SHISA6: variants seen among roughly 807,000 people sequenced by gnomAD.
SHISA6 encodes shisa family member 6, also known as protein shisa-6.
Under a neutral mutation model 47.9 loss-of-function variants are expected in SHISA6, and 22 were observed. That is an observed-to-expected ratio of 0.46 (90% CI 0.33 to 0.66). The LOEUF is 0.66. Ranked by LOEUF, SHISA6 falls within the 30% of genes least tolerant of loss-of-function variation. The pLI is 0.02. For synonymous variants in SHISA6, 388 were observed against 337.8 expected, an observed-to-expected ratio of 1.15 and a Z score of -1.63; for missense variants, 680 against 764.6, an observed-to-expected ratio of 0.89 and a Z score of 1.30.
rs564995001 is a variant in SHISA6, at chr17:11,304,708, A to G, written c.799+41182A>G. ...CAGTGAGGTGTGGAGGAGAAGAGAG[A>G]AGATCCCAAAATAACTCTGGGAACT... On this transcript the variant is annotated intron_variant, in intron 2 of 5. Transcript: ENST00000441885. 2.6e-5 allele frequency among the ~76,000 whole-genome samples: 4 copies of G among 152,186 alleles called. No individual in the cohort carries two copies. The South Asian group carries it at 6.2e-4, about 24-fold the overall frequency.
rs182895411 is a variant in SHISA6, at chr17:11,392,069, G to T, written c.895+12560G>T. Among the ~76,000 whole-genome samples the T allele has an allele frequency of 9.2e-5, 14 of 152,278 alleles. No homozygotes were observed. In the East Asian group the frequency reaches 2.5e-3, roughly 27 times the overall value. On this transcript the variant is annotated intron_variant, in intron 3 of 5. Coordinates refer to ENST00000441885, the MANE Select transcript of SHISA6 (RefSeq NM_207386.4). ...CCTTCCACAAGGAATTCAAAAATGT[G>T]CAGTTTGGGTTCAGAGGGGCCAGAG...
At chr17:11,507,050 A>G (rs947544689) in intron 3 of SHISA6, among the ~76,000 whole-genome samples, 1 of 152,142 alleles carries the variant, frequency 6.6e-6, no homozygotes, top group Admixed American at 6.5e-5. Flanking sequence ...CCTGCCACCC[A>G]CTAACTGCAT....
intron 2 of SHISA6, among the ~76,000 whole-genome samples, chr17:11,303,420 CAT>C (rs1465470569): frequency 1.3e-5 from 2 of 150,940 alleles, no homozygotes; most frequent in Admixed American, 6.6e-5. Flanking sequence ...TGGTTGTGAG[CAT>C]GTGTGTGTGG....
At chr17:11,270,482 G>A (rs1233960415) in intron 2 of SHISA6, among the ~76,000 whole-genome samples, 4 of 152,140 alleles carry the variant, frequency 2.6e-5, no homozygotes, top group African/African-American at 4.8e-5. Context: ...CCTTGGTTTG[G>A]ACAGCCTGGA....
chr17:11,517,745 C>T (rs539250168), intron 3 of SHISA6, among the ~76,000 whole-genome samples: 2 of 152,124 alleles, frequency 1.3e-5, no homozygotes, highest in South Asian at 4.1e-4. Context: ...CTCAAGCAGT[C>T]CTCCCACCTC....
At chr17:11,306,020 C>T (rs1462540676) in intron 2 of SHISA6, among the ~76,000 whole-genome samples, 3 of 152,146 alleles carry the variant, frequency 2.0e-5, no homozygotes, top group South Asian at 4.2e-4. Flanking sequence ...CCACCGTGCC[C>T]CAAAGCAAAC....
At chr17:11,308,036 G>A (rs112015311) in intron 2 of SHISA6, among the ~76,000 whole-genome samples, 24 of 152,284 alleles carry the variant, frequency 1.6e-4, no homozygotes, top group African/African-American at 5.5e-4. Flanking sequence ...TGTCCTGATG[G>A]TCTGACTTTG....
chr17:11,554,650 C>CCTTCCAACTGTTG (rs2071959641), intron 4 of SHISA6, among the ~76,000 whole-genome samples: 1 of 152,132 alleles, frequency 6.6e-6, no homozygotes, highest in Admixed American at 6.5e-5. Context: ...AATGACACAG[C>CCTTCCAACTGTTG]GAGACTATAG....
chr17:11,375,193 G>C lies in SHISA6; in HGVS notation c.800-4221G>C, dbSNP rs191133042. 5.3e-5 allele frequency among the ~76,000 whole-genome samples: 8 copies of C among 152,118 alleles called. No individual in the cohort carries two copies. The East Asian group carries it at 5.8e-4, about 11-fold the overall frequency. The stretch of plus-strand genomic sequence containing the variant: ...TCGAAAGACTAAAGTCTTCCAATCT[G>C]TTCAGAAAAAAAGAAAAACTATTAA... On this transcript the variant is annotated intron_variant, in intron 2 of 5. Coordinates refer to ENST00000441885, the MANE Select transcript of SHISA6 (RefSeq NM_207386.4).
At chr17:11,330,471 T>A (rs967117405) in intron 2 of SHISA6, among the ~76,000 whole-genome samples, 1 of 136,350 alleles carries the variant, frequency 7.3e-6, no homozygotes, top group African/African-American at 2.7e-5. Flanking sequence ...TTTTCTAAAA[T>A]TCTGAGAGTA....
intron 3 of SHISA6, among the ~76,000 whole-genome samples, chr17:11,513,189 CATATATATGTGTGT>C (rs2071555591): frequency 1.8e-5 from 2 of 112,184 alleles, no homozygotes. Flanking sequence ...TTATTACACA[CATATATATGTGTGT>C]ATATATGTAT....
chr17:11,421,391 A>T (rs1258626304), intron 3 of SHISA6, among the ~76,000 whole-genome samples: 1 of 152,236 alleles, frequency 6.6e-6, no homozygotes, highest in East Asian at 1.9e-4. Context: ...CTTGGGCCCC[A>T]TCAATGTCTA....
At chr17:11,498,585 A>G (rs2071426472) in intron 3 of SHISA6, among the ~76,000 whole-genome samples, 1 of 152,244 alleles carries the variant, frequency 6.6e-6, no homozygotes, top group African/African-American at 2.4e-5. Context: ...CCCTGGTTTG[A>G]TCATTACACA....
intron 3 of SHISA6, among the ~76,000 whole-genome samples, chr17:11,500,336 G>A (rs1428711648): frequency 1.3e-5 from 2 of 152,150 alleles, no homozygotes; most frequent in African/African-American, 2.4e-5. Context: ...TTATGAGGTT[G>A]CACAACTCCA....
chr17:11,269,498 G>C (rs1204088801), intron 2 of SHISA6, among the ~76,000 whole-genome samples: 1 of 152,148 alleles, frequency 6.6e-6, no homozygotes, highest in African/African-American at 2.4e-5. Flanking sequence ...TTTCCACCCT[G>C]CTAAGAAAGC....
chr17:11,295,621 C>G (rs868639213), intron 2 of SHISA6, among the ~76,000 whole-genome samples: 83 of 152,202 alleles, frequency 5.5e-4, no homozygotes, highest in African/African-American at 1.8e-3. Context: ...ACAGTCCTAG[C>G]AAGCCATTTT....
chr17:11,489,955 A>G (rs1447020924), intron 3 of SHISA6, among the ~76,000 whole-genome samples: 1 of 152,184 alleles, frequency 6.6e-6, no homozygotes, highest in Admixed American at 6.5e-5. Context: ...CTGGCTTAGG[A>G]GCATTCAAAG....
intron 5 of SHISA6, 143 bp downstream of exon 5, chr17:11,556,035 T>C (rs1004229699): frequency 7.2e-6 from 8 of 1,117,398 alleles, no homozygotes; most frequent in African/African-American, 6.4e-5. Context: ...GAGAAGAGAA[T>C]AGACAAGCTC....
intron 3 of SHISA6, among the ~76,000 whole-genome samples, chr17:11,545,818 A>C (rs2071878359): frequency 6.6e-6 from 1 of 152,276 alleles, no homozygotes; most frequent in East Asian, 1.9e-4. Context: ...CAGCCCTTTC[A>C]TGTATCCTTC....
Sources: gnomAD v4.1 joint callset for allele counts (sites outside exome capture counted in the v4.1 genomes callset) on GRCh38, gnomAD v4.1.1 for gene constraint, MANE v1.5 for transcripts, NCBI Gene and HGNC (gene_info 2026-07-23, HGNC 2026-07-21) for gene names.